Variants in CPS1 observed in about 807,000 individuals in gnomAD.
CPS1 encodes carbamoyl-phosphate synthase [ammonia], mitochondrial.
A neutral mutation model predicts 174.6 loss-of-function variants in CPS1; 109 were observed. That is an observed-to-expected ratio of 0.62 (90% CI 0.53 to 0.73). The LOEUF is 0.73. Among genes scored for constraint, CPS1 ranks in the 30% least tolerant of loss-of-function variants. The pLI is 0.00. For missense variants in CPS1, 1,689 were observed against 1,821.9 expected (o/e 0.93, Z 1.33); for synonymous variants, 637 against 632.0 (o/e 1.01, Z -0.12).
chr2:210,611,375 T>A (rs1453592580), intron 19 of CPS1, among the ~76,000 whole-genome samples: 1 of 151,996 alleles, frequency 6.6e-6, no homozygotes, highest in Non-Finnish European at 1.5e-5. Context: ...TAGCAATCTA[T>A]TATTCTATGA....
At chr2:210,676,479 T>G (rs765351069) in intron 36 of CPS1, among the ~76,000 whole-genome samples, 1 of 152,220 alleles carries the variant, frequency 6.6e-6, no homozygotes, top group Non-Finnish European at 1.5e-5. Context: ...GCTGTGCCAT[T>G]CTATGCAATA....
At position 210,543,514 on chromosome 2, in the gene CPS1, A is replaced by G. The variant is rs559100272; in HGVS notation, c.4-13205A>G. Among the ~76,000 whole-genome samples, 10 of 152,224 alleles carry G rather than the reference A, an allele frequency of 6.6e-5. No individual in the cohort carries two copies. In the South Asian group the frequency reaches 1.5e-3, roughly 22 times the overall value. On this transcript the variant is annotated intron_variant, in intron 1 of 38. Coordinates refer to the CPS1 transcript ENST00000430249. ...CACATGACCCATTTAATTAATATGT[A>G]TCATTCACATCTCAGTTTCCTCGGA... is the stretch of plus-strand genomic sequence containing the variant.
chr2:210,486,316 T>G (rs535109912), intron 1 of CPS1, among the ~76,000 whole-genome samples: 13 of 152,106 alleles, frequency 8.5e-5, no homozygotes, highest in South Asian at 4.1e-4. Flanking sequence ...TGTAAAAACA[T>G]TTGTTGATGT....
intron 33 of CPS1, among the ~76,000 whole-genome samples, chr2:210,667,096 A>G (rs1433189500): frequency 6.6e-6 from 1 of 152,170 alleles, no homozygotes; most frequent in Non-Finnish European, 1.5e-5. Flanking sequence ...GCAATTGTGA[A>G]TGGGAGTTCC....
At chr2:210,522,039 A>G (rs2105989150) in intron 1 of CPS1, among the ~76,000 whole-genome samples, 1 of 152,086 alleles carries the variant, frequency 6.6e-6, no homozygotes, top group South Asian at 2.1e-4. Context: ...CTATTGAAGC[A>G]AGGCTCTTCT....
At chr2:210,488,151 C>T (rs1455511044) in intron 1 of CPS1, among the ~76,000 whole-genome samples, 1 of 133,722 alleles carries the variant, frequency 7.5e-6, no homozygotes, top group East Asian at 2.1e-4. Context: ...CTTTGGCTTG[C>T]TTGCATTATC....
At chr2:210,621,783 T>C (rs1418557468) in intron 21 of CPS1, among the ~76,000 whole-genome samples, 2 of 152,264 alleles carry the variant, frequency 1.3e-5, no homozygotes, top group East Asian at 3.9e-4. Flanking sequence ...ATAATGAATT[T>C]ATAACTCTTA....
At position 210,548,879 on chromosome 2, in the gene CPS1, C is replaced by T. The variant is rs772898693; in HGVS notation, c.4-7840C>T. ...ATGGAACTTAATGTTTGTGAAAGCA[C>T]GGGTCCTATTTCCGATTTCCAGGAG... On this transcript the variant is annotated intron_variant, in intron 1 of 38. Coordinates refer to the CPS1 transcript ENST00000430249. 2.6e-5 allele frequency among the ~76,000 whole-genome samples: 4 copies of T among 152,148 alleles called. No homozygotes were observed. The South Asian group carries it at 6.2e-4, about 24-fold the overall frequency.
intron 6 of CPS1, among the ~76,000 whole-genome samples, chr2:210,586,607 C>T (rs577673611): frequency 1.4e-4 from 21 of 152,120 alleles, no homozygotes; most frequent in African/African-American, 4.8e-4. Context: ...AGCACAAATC[C>T]ATATATGCAA....
intron 1 of CPS1, among the ~76,000 whole-genome samples, chr2:210,494,889 A>G (rs757912842): frequency 5.9e-5 from 9 of 152,196 alleles, no homozygotes; most frequent in Non-Finnish European, 1.2e-4. Flanking sequence ...TGCACATGGC[A>G]TGCAACACTG....
intron 36 of CPS1, among the ~76,000 whole-genome samples, chr2:210,676,089 G>C (rs1701523918): frequency 6.6e-6 from 1 of 152,212 alleles, no homozygotes; most frequent in Non-Finnish European, 1.5e-5. Flanking sequence ...AAACAAGTGA[G>C]AGCATGAAGA....
At position 210,608,405 on chromosome 2, in the gene CPS1, C is replaced by T. The variant is rs1698998153; in HGVS notation, c.2237C>T (p.Pro746Leu). Residue 746 changes from proline (P) to leucine (L), a missense_variant, in exon 19 of 38, where the codon CCA (proline) becomes CTA (leucine). By Grantham distance (98) the Pro-to-Leu change is moderately conservative. Transcript: ENST00000233072. ...FIAAKIALGI[P>L]LPEIKNVVSG... ...GCTGCAAAGATTGCCCTAGGAATCC[C>T]ACTTCCAGAAATTAAGAACGTCGTA... 1 of 1,612,268 alleles carries T rather than the reference C, an allele frequency of 6.2e-7. No homozygotes were observed. The highest frequency in any genetic ancestry group is 1.3e-5 in the African/African-American group (1 of 74,776).
At chr2:210,582,824 G>T in intron 6 of CPS1, 115 bp downstream of exon 6, 1 of 818,474 alleles carries the variant, frequency 1.2e-6, no homozygotes, top group Non-Finnish European at 2.1e-6. Context: ...AGTGTTCAGG[G>T]GTAGAAAGGG....
chr2:210,531,622 GGTC>G (rs1475014102), intron 1 of CPS1, among the ~76,000 whole-genome samples: 1 of 152,080 alleles, frequency 6.6e-6, no homozygotes. Context: ...CAGAAGTAAA[GGTC>G]GTTTATCGGG....
At chr2:210,598,976 A>G (rs992829882) in intron 13 of CPS1, among the ~76,000 whole-genome samples, 6 of 151,848 alleles carry the variant, frequency 4.0e-5, no homozygotes, top group African/African-American at 1.4e-4. Flanking sequence ...CAGCTTTCGT[A>G]TTGCCTCTAG....
intron 1 of CPS1, chr2:210,519,856 G>C (rs192938892): frequency 1.1e-3 from 1,000 of 882,870 alleles, no homozygotes; most frequent in South Asian, 3.7e-3. Context: ...GCTTTGTTCT[G>C]GGTTGTAGTG....
chr2:210,563,092 A>C (rs1315805747), intron 1 of CPS1, among the ~76,000 whole-genome samples: 1 of 152,122 alleles, frequency 6.6e-6, no homozygotes, highest in African/African-American at 2.4e-5. Context: ...TAGAATTTTA[A>C]TTAGGCTTCA....
chr2:210,615,180 G>C (rs1699265766), intron 20 of CPS1, among the ~76,000 whole-genome samples: 1 of 151,890 alleles, frequency 6.6e-6, no homozygotes, highest in African/African-American at 2.4e-5. Context: ...AGTAACTTAA[G>C]GTTCTCTCCA....
At chr2:210,555,364 A>AT (rs1559074150), upstream of CPS1, among the ~76,000 whole-genome samples, 1 of 151,704 alleles carries the variant, frequency 6.6e-6, no homozygotes. Context: ...CATTTTATTT[A>AT]TTTTCCCATT....
Sources: gnomAD v4.1 joint callset for allele counts (sites outside exome capture counted in the v4.1 genomes callset) on GRCh38, gnomAD v4.1.1 for gene constraint, MANE v1.5 for transcripts, NCBI Gene and HGNC (gene_info 2026-07-23, HGNC 2026-07-21) for gene names.